Variants in RGS5 observed in about 807,000 individuals in gnomAD.
RGS5 encodes the protein regulator of G protein signaling 5, also known as regulator of G-protein signalling 5.
In RGS5, 20 loss-of-function variants were observed where a neutral mutation model predicts 18.9. The observed-to-expected ratio is 1.06, with a 90% CI of 0.74 to 1.54. RGS5 has a LOEUF of 1.54. RGS5 is among the 40% of genes most tolerant of loss of function. The pLI is 0.00. For missense variants in RGS5, 201 were observed against 211.8 expected (o/e 0.95, Z 0.32); for synonymous variants, 57 against 76.2 (o/e 0.75, Z 1.31).
chr1:163,239,933 CT>C (rs1427595330), intron 2 of RGS5, among the ~76,000 whole-genome samples: 1 of 152,104 alleles, frequency 6.6e-6, no homozygotes, highest in East Asian at 1.9e-4. Flanking sequence ...AACTGGATTA[CT>C]TTGTACAATG....
At chr1:163,185,355 A>G (rs1427841093) in intron 1 of RGS5, among the ~76,000 whole-genome samples, 2 of 152,192 alleles carry the variant, frequency 1.3e-5, no homozygotes, top group African/African-American at 4.8e-5. Flanking sequence ...TTGTCCAGGA[A>G]GATCAGGGCT....
intron 2 of RGS5, among the ~76,000 whole-genome samples, chr1:163,297,462 CCCA>C (rs1649450259): frequency 6.6e-6 from 1 of 152,070 alleles, no homozygotes; most frequent in Non-Finnish European, 1.5e-5. Flanking sequence ...TTCTCTTGGT[CCCA>C]CCAGCCTGAC....
intron 1 of RGS5, among the ~76,000 whole-genome samples, chr1:163,202,233 G>T (rs778864558): frequency 6.6e-5 from 10 of 152,084 alleles, no homozygotes; most frequent in Non-Finnish European, 1.3e-4. Context: ...CCCTCTCCCA[G>T]TCCCTGTACA....
At chr1:163,285,331 G>A (rs918914795) in intron 2 of RGS5, among the ~76,000 whole-genome samples, 71 of 152,192 alleles carry the variant, frequency 4.7e-4, no homozygotes, top group African/African-American at 1.7e-3. Context: ...AAGACAGGTG[G>A]ATCACTTGAG....
In RGS5 at chr1:163,266,410, A is replaced by C. The variant is rs76703630; in HGVS notation, c.-281+39823T>G. Among the ~76,000 whole-genome samples, 3 of 152,164 alleles carry C rather than the reference A, an allele frequency of 2.0e-5. No individual in the cohort carries two copies. In the East Asian group the frequency reaches 5.8e-4, roughly 29 times the overall value. On this transcript the variant is annotated intron_variant, in intron 2 of 5. Transcript: ENST00000618415. Reference sequence around the variant, plus strand: ...GTATTACTCTGGATTTGCATCTCTCAAATCACTATAAGAATGATGTTTCTA... The same window carrying C: ...GTATTACTCTGGATTTGCATCTCTCCAATCACTATAAGAATGATGTTTCTA...
chr1:163,262,455 A>C (rs1648471244), intron 2 of RGS5, among the ~76,000 whole-genome samples: 1 of 68,346 alleles, frequency 1.5e-5, no homozygotes, highest in African/African-American at 5.9e-5. Context: ...ATGGTTTCCA[A>C]TTTCATCCAT....
chr1:163,227,519 G>A (rs1156799331), intron 2 of RGS5, among the ~76,000 whole-genome samples: 2 of 152,054 alleles, frequency 1.3e-5, no homozygotes, highest in Admixed American at 6.5e-5. Flanking sequence ...TTAAAACATG[G>A]GGATTATTAC....
intron 1 of RGS5, among the ~76,000 whole-genome samples, chr1:163,173,560 C>T (rs1306566420): frequency 6.6e-6 from 1 of 152,096 alleles, no homozygotes; most frequent in Admixed American, 6.6e-5. Flanking sequence ...CAAGCAATCA[C>T]TAAAAACAGA....
intron 2 of RGS5, among the ~76,000 whole-genome samples, chr1:163,233,146 T>C (rs1424475456): frequency 6.6e-6 from 1 of 152,238 alleles, no homozygotes; most frequent in Non-Finnish European, 1.5e-5. Context: ...ATGGTTAGAT[T>C]TAATTATGAA....
At chr1:163,153,070 C>A (rs1276474296) in intron 3 of RGS5, among the ~76,000 whole-genome samples, 1 of 152,178 alleles carries the variant, frequency 6.6e-6, no homozygotes, top group Non-Finnish European at 1.5e-5. Context: ...AACACTAATG[C>A]CATTCTGGAC....
chr1:163,217,502 T>A, intron 1 of RGS5: 1 of 1,513,478 alleles, frequency 6.6e-7, no homozygotes, highest in Non-Finnish European at 8.8e-7. Context: ...AAAACCATTA[T>A]TTAAGACTAA....
intron 2 of RGS5, among the ~76,000 whole-genome samples, chr1:163,235,892 C>T (rs1245380014): frequency 6.6e-6 from 1 of 152,118 alleles, no homozygotes; most frequent in Non-Finnish European, 1.5e-5. Context: ...GACATCATGC[C>T]AGGACAATGC....
At chr1:163,296,918 A>G (rs1481003037) in intron 2 of RGS5, among the ~76,000 whole-genome samples, 7 of 152,148 alleles carry the variant, frequency 4.6e-5, no homozygotes, top group Admixed American at 4.6e-4. Context: ...AGAGAGAGAA[A>G]TTTACATCTG....
upstream of RGS5, among the ~76,000 whole-genome samples, chr1:163,220,122 A>G (rs779367577): frequency 6.6e-6 from 1 of 152,196 alleles, no homozygotes; most frequent in Non-Finnish European, 1.5e-5. Flanking sequence ...GTGGTATTAT[A>G]TCAGAGTTTT....
rs532454146 is a variant in RGS5 at position 163,169,619 on chromosome 1, A to G, written c.45-1251T>C. 2.0e-5 allele frequency among the ~76,000 whole-genome samples: 3 copies of G among 152,172 alleles called. No homozygotes were observed. In the East Asian group the frequency reaches 5.8e-4, roughly 29 times the overall value. On this transcript the variant is annotated intron_variant, in intron 1 of 4. Transcript: ENST00000313961. ...TGCATTTCTCTGATGGCCAGTGATG[A>G]TGAGCATTTTTTCATGTGTTTTTTG...
intron 2 of RGS5, among the ~76,000 whole-genome samples, chr1:163,287,317 T>C (rs1649170092): frequency 6.6e-6 from 1 of 152,190 alleles, no homozygotes; most frequent in South Asian, 2.1e-4. Flanking sequence ...ATAGCCTTTA[T>C]CTGGAAACTG....
At chr1:163,251,757 A>C (rs1648112474) in intron 2 of RGS5, among the ~76,000 whole-genome samples, 1 of 152,234 alleles carries the variant, frequency 6.6e-6, no homozygotes, top group Non-Finnish European at 1.5e-5. Context: ...AAATGGAATC[A>C]TACATACAAT....
chr1:163,204,875 C>A (rs1366766797), upstream of RGS5, among the ~76,000 whole-genome samples: 4 of 151,992 alleles, frequency 2.6e-5, no homozygotes, highest in African/African-American at 9.7e-5. Context: ...AAGAAAAACC[C>A]CAAGTTTAAC....
At chr1:163,171,242 G>C (rs961057302) in intron 1 of RGS5, among the ~76,000 whole-genome samples, 1 of 152,150 alleles carries the variant, frequency 6.6e-6, no homozygotes, top group Non-Finnish European at 1.5e-5. Flanking sequence ...ATTAAGTGGG[G>C]AGGAGAAATG....
Sources: allele counts gnomAD v4.1 joint callset (sites outside exome capture counted in the v4.1 genomes callset), GRCh38; gene constraint gnomAD v4.1.1; transcripts MANE v1.5; gene names NCBI Gene and HGNC (gene_info 2026-07-23, HGNC 2026-07-21).